The following MOXD1 variants were observed in gnomAD, a reference collection of about 807,000 sequenced individuals.
The protein encoded by MOXD1 is DBH-like monooxygenase protein 1.
A neutral mutation model predicts 66.6 loss-of-function variants in MOXD1; 62 were observed. The ratio of observed to expected loss-of-function variants is 0.93; its 90% CI spans 0.76 to 1.15. The LOEUF (loss-of-function observed/expected upper bound fraction) is 1.15. Ranked by LOEUF, MOXD1 falls within the 50% of genes most tolerant of loss-of-function variation. The pLI, the probability that MOXD1 is intolerant of heterozygous loss-of-function variation, is 0.00. For missense variants in MOXD1, 847 were observed against 754.6 expected (o/e 1.12, Z -1.44); for synonymous variants, 303 against 281.9 (o/e 1.07, Z -0.75).
At chr6:132,397,694 G>GAAAGA (rs1554239261) in intron 1 of MOXD1, among the ~76,000 whole-genome samples, 4,628 of 117,124 alleles carry the variant, frequency 0.04, 122 homozygotes, top group Middle Eastern at 0.083. Flanking sequence ...AAGAAAGAAA[G>GAAAGA]AAAGAAAAAG....
chr6:132,297,913 G>A lies in MOXD1; in HGVS notation c.1551C>T (p.Asn517=), dbSNP rs761241376. ...FIIKSPKQYK[N]LSFMDAMNKF... ...TATTCATAGCATCCATGAAAGAAAG[G>A]TTTTTATATTGCTTGGGACTTTTGA... Residue 517 remains asparagine (N), a synonymous_variant, in exon 11 of 12, where the codon AAC becomes AAT. Transcript: ENST00000367963. 15 of 1,612,528 alleles carry A rather than the reference G, an allele frequency of 9.3e-6. No individual in the cohort carries two copies. The African/African-American group carries it at 1.7e-4, about 19-fold the overall frequency.
At chr6:132,349,095 C>G (rs1775729896) in intron 4 of MOXD1, among the ~76,000 whole-genome samples, 1 of 151,742 alleles carries the variant, frequency 6.6e-6, no homozygotes, top group Non-Finnish European at 1.5e-5. Flanking sequence ...GCAGTATACA[C>G]TGCACCTTAT....
intron 4 of MOXD1, among the ~76,000 whole-genome samples, chr6:132,361,187 A>G (rs1396005944): frequency 1.3e-5 from 2 of 152,170 alleles, no homozygotes; most frequent in African/African-American, 4.8e-5. Flanking sequence ...ATTAACCTCC[A>G]TGTATATATT....
At chr6:132,321,917 C>T (rs560866851) in intron 8 of MOXD1, among the ~76,000 whole-genome samples, 105 of 152,288 alleles carry the variant, frequency 6.9e-4, no homozygotes, top group African/African-American at 2.4e-3. Context: ...GTTTTTTCAG[C>T]TTTCCTTTTA....
At chr6:132,392,453 C>T (rs1329554523) in intron 1 of MOXD1, among the ~76,000 whole-genome samples, 1 of 152,192 alleles carries the variant, frequency 6.6e-6, no homozygotes, top group African/African-American at 2.4e-5. Flanking sequence ...TCATCGGCTG[C>T]ATTACTTGCC....
In MOXD1 at chr6:132,301,799, G is replaced by T. The variant is rs180932591; in HGVS notation, c.1509-3844C>A. On this transcript the variant is annotated intron_variant, in intron 10 of 11. Coordinates refer to ENST00000367963, the MANE Select transcript of MOXD1 (RefSeq NM_015529.4). ...ACTTCCTGTAAAAAACTCAAAATTCGACAAACCATATGAAACAGCTGGTTT... is the reference window on the plus strand; with the variant it reads ...ACTTCCTGTAAAAAACTCAAAATTCTACAAACCATATGAAACAGCTGGTTT... Among the ~76,000 whole-genome samples, 67 of 152,084 alleles carry T rather than the reference G, an allele frequency of 4.4e-4. 1 individual carries two copies. Among genetic ancestry groups the T allele is most frequent in the Admixed American group, 4.3e-3 (65 of 15,270 alleles).
intron 11 of MOXD1, 77 bp downstream of exon 11, chr6:132,297,710 T>C: frequency 1.4e-6 from 2 of 1,468,672 alleles, no homozygotes; most frequent in Middle Eastern, 1.8e-4. Flanking sequence ...TGGATATTTG[T>C]CTTCTCCTTA....
chr6:132,310,112 G>C (rs1774792969), intron 10 of MOXD1, among the ~76,000 whole-genome samples: 1 of 151,916 alleles, frequency 6.6e-6, no homozygotes, highest in Non-Finnish European at 1.5e-5. Context: ...ATCCAACAAA[G>C]ATCTAATATC....
At chr6:132,392,153 C>T (rs543916972) in intron 1 of MOXD1, 29 of 1,519,618 alleles carry the variant, frequency 1.9e-5, no homozygotes, top group East Asian at 9.9e-5. Flanking sequence ...AAAAGAAGCA[C>T]ATCGTTAACC....
At chr6:132,366,515 A>G (rs1229595882) in intron 4 of MOXD1, among the ~76,000 whole-genome samples, 3 of 152,136 alleles carry the variant, frequency 2.0e-5, no homozygotes, top group Non-Finnish European at 4.4e-5. Context: ...AACTGCATCA[A>G]TTAAAATATG....
At chr6:132,358,517 T>C (rs747212700) in intron 4 of MOXD1, among the ~76,000 whole-genome samples, 77 of 152,254 alleles carry the variant, frequency 5.1e-4, no homozygotes, top group Non-Finnish European at 8.8e-4. Flanking sequence ...CATAAATACT[T>C]GTCTTCTAAA....
intron 4 of MOXD1, among the ~76,000 whole-genome samples, chr6:132,356,031 C>A (rs1417464923): frequency 6.6e-6 from 1 of 152,138 alleles, no homozygotes; most frequent in Non-Finnish European, 1.5e-5. Context: ...TCACAACAGG[C>A]AAAATTAGTA....
chr6:132,381,754 G>C (rs1234405737), intron 1 of MOXD1, among the ~76,000 whole-genome samples: 1 of 152,136 alleles, frequency 6.6e-6, no homozygotes, highest in Non-Finnish European at 1.5e-5. Context: ...GAATGAAACA[G>C]ACACAGTAAA....
chr6:132,315,132 G>A lies in MOXD1; in HGVS notation c.1508+503C>T, dbSNP rs1774912546. On this transcript the variant is annotated intron_variant, in intron 10 of 11. Transcript: ENST00000367963. ...TTCCATCTGGAAGTATGGAATTTTA[G>A]TAAGTGGTAGGCAGAGACCACCTAT... 2.0e-5 allele frequency among the ~76,000 whole-genome samples: 3 copies of A among 152,164 alleles called. No homozygotes were observed. In the South Asian group the frequency reaches 6.2e-4, roughly 31 times the overall value.
chr6:132,328,279 T>A, intron 5 of MOXD1, 136 bp downstream of exon 5: 1 of 1,253,102 alleles, frequency 8.0e-7, no homozygotes, highest in East Asian at 2.5e-5. Flanking sequence ...AATCCCTTCC[T>A]ACGAAAATGG....
In MOXD1 at chr6:132,359,029, T is replaced by C. The variant is rs567752178; in HGVS notation, c.663+13579A>G. 3.0e-3 allele frequency among the ~76,000 whole-genome samples: 451 copies of C among 151,994 alleles called. 3 individuals are homozygous for C. Among genetic ancestry groups the C allele is most frequent in the Non-Finnish European group, 5.0e-3 (339 of 67,980 alleles). On this transcript the variant is annotated intron_variant, in intron 4 of 11. Coordinates refer to ENST00000367963, the MANE Select transcript of MOXD1 (RefSeq NM_015529.4). ...GGAAATGGACATGGCTCTAACAAAC[T>C]CCACTGTGAAGTCACTGGCTCTAGG...
chr6:132,327,197 C>A (rs979003078), intron 6 of MOXD1, among the ~76,000 whole-genome samples: 8 of 152,126 alleles, frequency 5.3e-5, no homozygotes, highest in Admixed American at 3.3e-4. Context: ...ATTAGGTCAC[C>A]AATTAAATAC....
At chr6:132,356,666 G>T (rs1775915638) in intron 4 of MOXD1, among the ~76,000 whole-genome samples, 1 of 152,108 alleles carries the variant, frequency 6.6e-6, no homozygotes, top group African/African-American at 2.4e-5. Context: ...ATACATAATA[G>T]GAGATTAAAT....
intron 1 of MOXD1, 140 bp downstream of exon 1, chr6:132,401,017 GGCGAGA>G: frequency 9.2e-7 from 1 of 1,092,078 alleles, no homozygotes; most frequent in East Asian, 3.2e-5. Flanking sequence ...TGCCCGCGGA[GGCGAGA>G]GTGAGCGTGG....
Sources: gnomAD v4.1 joint callset for allele counts (sites outside exome capture counted in the v4.1 genomes callset) on GRCh38, gnomAD v4.1.1 for gene constraint, MANE v1.5 for transcripts, NCBI Gene and HGNC (gene_info 2026-07-23, HGNC 2026-07-21) for gene names.